Variants in PRSS36 observed in about 807,000 individuals in gnomAD.
PRSS36 encodes polyserase-2.
In PRSS36, 90 loss-of-function variants were observed where a neutral mutation model predicts 94.3. The observed-to-expected ratio is 0.95, with a 90% CI of 0.80 to 1.14. The LOEUF is 1.14. PRSS36 is among the 50% of genes most tolerant of loss of function. PRSS36 has a pLI of 0.00. For synonymous variants in PRSS36, 500 were observed against 489.6 expected (o/e 1.02, Z -0.28); for missense variants, 1,158 against 1,135.0 (o/e 1.02, Z -0.29).
chr16:31,141,920 G>C lies in PRSS36; in HGVS notation c.1562C>G (p.Thr521Ser). ...RWSLLCQEEG[T>S]WFLAGIRDFP... ...GTCTCTGATTCCAGCCAGAAACCAGGTCCCCTCCTCCTGGCACAAAAGGCT... is the reference window on the plus strand; with the variant it reads ...GTCTCTGATTCCAGCCAGAAACCAGCTCCCCTCCTCCTGGCACAAAAGGCT... The change falls in exon 11 of 15, where the codon ACC becomes AGC. Residue 521 changes from threonine to serine, a missense_variant. Physicochemically the swap from Thr to Ser is moderately conservative, Grantham distance 58. Transcript: ENST00000268281. 1 of 1,614,130 alleles carries C rather than the reference G, an allele frequency of 6.2e-7. No homozygotes were observed. Among genetic ancestry groups the C allele is most frequent in the Non-Finnish European group, 8.5e-7 (1 of 1,180,020 alleles).
rs751653922 is a variant in PRSS36 at position 31,139,208 on chromosome 16, A to T, written c.2498T>A (p.Leu833Gln). The T allele has an allele frequency of 6.2e-7, 1 of 1,611,906 alleles. No individual in the cohort carries two copies. Among genetic ancestry groups the T allele is most frequent in the South Asian group, 1.1e-5 (1 of 90,998 alleles). Residue 833 changes from leucine (L) to glutamine (Q), a missense_variant, in exon 15 of 15, where the codon CTG (leucine) becomes CAG (glutamine). Leu to Gln is a moderately radical substitution (Grantham distance 113). Transcript: ENST00000268281. The stretch of plus-strand genomic sequence containing the variant: ...ATGCGGGGATCCCGAGGCCTTGGCC[A>T]GTTCTGGGGGGCAGAGATTGCTGCC... ...TGGSNLCPPE[L>Q]AKASGSPHAV...
At chr16:31,142,311 C>T (rs1340831399) in intron 10 of PRSS36, among the ~76,000 whole-genome samples, 170 bp downstream of exon 10, 1 of 151,404 alleles carries the variant, frequency 6.6e-6, no homozygotes, top group East Asian at 2.0e-4. Context: ...AGAGCCCACT[C>T]GGACCCGCCT....
rs2057757082 is a variant in PRSS36 at position 31,143,820 on chromosome 16, G to A, written c.738C>T (p.Pro246=). Residue 246 remains proline, a synonymous_variant, in exon 7 of 15, where the codon CCC becomes CCT. Transcript: ENST00000268281. ...RDTCQGDSGG[P]LVCEEGGRWF... Reference sequence around the variant, plus strand: ...AGCGGCCGCCTTCCTCACAGACCAGGGGCCCCCCAGAGTCACCCTAGTGGC... The same window carrying A: ...AGCGGCCGCCTTCCTCACAGACCAGAGGCCCCCCAGAGTCACCCTAGTGGC... 6.2e-7 allele frequency: 1 copy of A among 1,613,398 alleles called. No individual in the cohort carries two copies. The highest frequency in any genetic ancestry group is 1.1e-5 in the South Asian group (1 of 91,090).
chr16:31,140,917 T>A (rs1010371784), intron 12 of PRSS36, among the ~76,000 whole-genome samples, 160 bp from the exon 13 acceptor site: 1 of 152,120 alleles, frequency 6.6e-6, no homozygotes, highest in Non-Finnish European at 1.5e-5. Context: ...CCCAGTGCTG[T>A]AAGATTCTTC....
At position 31,149,141 on chromosome 16, in the gene PRSS36, A is replaced by G; in HGVS notation, c.204T>C (p.Gly68=). 6.3e-7 allele frequency: 1 copy of G among 1,580,702 alleles called. No individual in the cohort carries two copies. Among genetic ancestry groups the G allele is most frequent in the East Asian group, 2.3e-5 (1 of 43,788 alleles). The change falls in exon 4 of 15, where the codon GGT becomes GGC. Residue 68 remains glycine (G), a synonymous_variant. Coordinates refer to ENST00000268281, the MANE Select transcript of PRSS36 (RefSeq NM_173502.5). The part of the protein sequence containing the change: ...WPWQVSLHHG[G]GHICGGSLIA... ...TGAGGGAGCCCCCGCAGATGTGGCC[A>G]CCTCCATGGTGCAGGCTCACTTGCC...
chr16:31,145,883 A>G lies in PRSS36; in HGVS notation c.626T>C (p.Leu209Pro). The G allele has an allele frequency of 6.2e-7, 1 of 1,614,062 alleles. No individual in the cohort carries two copies. The highest frequency in any genetic ancestry group is 1.1e-5 in the South Asian group (1 of 91,084). Reference protein sequence around the residue: ...RLLGEATCQCLYSQPGPFNLT... With the variant: ...RLLGEATCQCPYSQPGPFNLT... Reference sequence around the variant, plus strand: ...GTTGAAGGGACCGGGCTGGCTGTAGAGACATTGACAGGTGGCCTCGCCCAG... The same window carrying G: ...GTTGAAGGGACCGGGCTGGCTGTAGGGACATTGACAGGTGGCCTCGCCCAG... The change falls in exon 6 of 15, where the codon CTC (leucine) becomes CCC (proline). Residue 209 changes from leucine (L) to proline (P), a missense_variant. Transcript: ENST00000268281.
Position 31,141,816 on chromosome 16 carries a change from C to A in PRSS36, c.1666G>T (p.Gly556Ter), listed in dbSNP as rs1360881995. Reference protein sequence around the residue: ...HGPWISHVTRGAYLEDQLAWD... With the variant: ...HGPWISHVTR Reference sequence around the variant, plus strand: ...GCTAGCTGGTCCTCCAGGTAGGCTCCCCGAGTCACATGGCTGATCCATGGG... The same window carrying A: ...GCTAGCTGGTCCTCCAGGTAGGCTCACCGAGTCACATGGCTGATCCATGGG... The change falls in exon 11 of 15, where the codon GGA becomes TGA. Residue 556 changes from glycine (G) to a stop codon, truncating the protein, a stop_gained. Coordinates refer to ENST00000268281, the MANE Select transcript of PRSS36 (RefSeq NM_173502.5). LOFTEE classifies it high-confidence loss of function. The A allele has an allele frequency of 1.9e-6, 3 of 1,614,208 alleles. No homozygotes were observed. The Admixed American group carries it at 5.0e-5, about 27-fold the overall frequency.
chr16:31,141,768 C>G lies in PRSS36; in HGVS notation c.1714G>C (p.Glu572Gln). 2 of 1,614,148 alleles carry G rather than the reference C, an allele frequency of 1.2e-6. No homozygotes were observed. Among genetic ancestry groups the G allele is most frequent in the East Asian group, 2.2e-5 (1 of 44,884 alleles). The change falls in exon 11 of 15, where the codon GAG becomes CAG. Residue 572 changes from glutamate to glutamine, a missense_variant. By Grantham distance (29) the Glu-to-Gln change is conservative. Coordinates refer to ENST00000268281, the MANE Select transcript of PRSS36 (RefSeq NM_173502.5). ...GGACAAGTCTGTGTCTCAGTCTCCT[C>G]CCCATCAGGGCCCCAATCCCAGGCT... is the stretch of plus-strand genomic sequence containing the variant. Reference protein sequence around the residue: ...QLAWDWGPDGEETETQTCPPH... With the variant: ...QLAWDWGPDGQETETQTCPPH...
At position 31,141,558 on chromosome 16, in the gene PRSS36, C is replaced by G; in HGVS notation, c.1812G>C (p.Leu604=). Residue 604 remains leucine (L), a synonymous_variant, in exon 12 of 15, where the codon CTG becomes CTC. Transcript: ENST00000268281. Reference sequence around the variant, plus strand: ...GATCACCAGCCACATGCACCTCTGCCAGCCAGGGCCACAGGACCCCCACTG... The same window carrying G: ...GATCACCAGCCACATGCACCTCTGCGAGCCAGGGCCACAGGACCCCCACTG... The part of the protein sequence containing the change: ...AAPVGVLWPW[L]AEVHVAGDRV... The G allele has an allele frequency of 6.2e-7, 1 of 1,613,394 alleles. No individual in the cohort carries two copies. The highest frequency in any genetic ancestry group is 8.5e-7 in the Non-Finnish European group (1 of 1,179,980).
intron 14 of PRSS36, 37 bp downstream of exon 14, chr16:31,140,257 C>T (rs371104887): frequency 1.2e-5 from 19 of 1,568,528 alleles, no homozygotes; most frequent in Non-Finnish European, 1.6e-5. Flanking sequence ...AACACTGCCT[C>T]TCCCCTGCCT....
In PRSS36 at chr16:31,140,737, G is replaced by C; in HGVS notation, c.1922C>G (p.Pro641Arg). The C allele has an allele frequency of 1.2e-6, 2 of 1,614,090 alleles. No individual in the cohort carries two copies. The highest frequency in any genetic ancestry group is 1.7e-6 in the Non-Finnish European group (2 of 1,179,988). ...CVLRPGSTTV[P>R]YIEVYLGRAG... ...CCGGCCCAGATACACTTCAATGTAAGGCACTGTTGTAGAGCCTGGCCTGTT... is the reference window on the plus strand; with the variant it reads ...CCGGCCCAGATACACTTCAATGTAACGCACTGTTGTAGAGCCTGGCCTGTT... The change falls in exon 13 of 15, where the codon CCT becomes CGT. Residue 641 changes from proline to arginine, a missense_variant. Physicochemically the swap from Pro to Arg is moderately radical, Grantham distance 103 (BLOSUM62 -2). Coordinates refer to ENST00000268281, the MANE Select transcript of PRSS36 (RefSeq NM_173502.5).
chr16:31,143,923 C>A, intron 6 of PRSS36, 86 bp from the exon 7 acceptor site: 1 of 1,523,698 alleles, frequency 6.6e-7, no homozygotes, highest in South Asian at 1.2e-5. Flanking sequence ...CAACATACAC[C>A]ACCTTCTCCC....
At chr16:31,149,912 C>T (rs1000267707) in intron 1 of PRSS36, 87 bp downstream of exon 1, 11 of 1,563,532 alleles carry the variant, frequency 7.0e-6, no homozygotes, top group South Asian at 1.1e-5. Context: ...TTCCTGCTCC[C>T]CACACAGAAA....
At chr16:31,139,692 C>T (rs1318832149) in intron 14 of PRSS36, among the ~76,000 whole-genome samples, 11 of 151,622 alleles carry the variant, frequency 7.3e-5, no homozygotes, top group African/African-American at 2.7e-4. Flanking sequence ...CCAGCTTGGC[C>T]AACATGGTGA....
chr16:31,149,126 C>G lies in PRSS36; in HGVS notation c.219G>C (p.Gly73=). ...CCCAGGAGGGGGCGATGAGGGAGCC[C>G]CCGCAGATGTGGCCACCTCCATGGT... ...SLHHGGGHIC[G]GSLIAPSWVL... The change falls in exon 4 of 15, where the codon GGG becomes GGC. Residue 73 remains glycine, a synonymous_variant. Transcript: ENST00000268281. 1 of 1,585,094 alleles carries G rather than the reference C, an allele frequency of 6.3e-7. No individual in the cohort carries two copies. Among genetic ancestry groups the G allele is most frequent in the Non-Finnish European group, 8.6e-7 (1 of 1,167,262 alleles).
chr16:31,147,536 GTGATGGGGA>G (rs2057816221), intron 5 of PRSS36, among the ~76,000 whole-genome samples: 1 of 152,146 alleles, frequency 6.6e-6, no homozygotes, highest in Non-Finnish European at 1.5e-5. Context: ...GAAAGCTTGG[GTGATGGGGA>G]TGATGGGGAT....
At chr16:31,143,024 G>A (rs79912852) in intron 8 of PRSS36, 31 bp from the exon 9 acceptor site, 116,576 of 1,369,228 alleles carry the variant, frequency 0.085, 5,634 homozygotes, top group Non-Finnish European at 0.096. Context: ...GACGTGGGCC[G>A]GATCCCGCAC....
At chr16:31,143,054 AC>A (rs1449905775) in intron 8 of PRSS36, 61 bp from the exon 9 acceptor site, 22 of 1,375,530 alleles carry the variant, frequency 1.6e-5, no homozygotes, top group Non-Finnish European at 2.1e-5. Flanking sequence ...GAAACCTCAC[AC>A]CCCGGCTTAG....
At chr16:31,143,170 G>A (rs1476399224) in intron 8 of PRSS36, among the ~76,000 whole-genome samples, 172 bp downstream of exon 8, 5 of 151,962 alleles carry the variant, frequency 3.3e-5, no homozygotes, top group African/African-American at 1.2e-4. Context: ...TATCTACCAT[G>A]CCTCTACCCA....
Sources: allele counts gnomAD v4.1 joint callset (sites outside exome capture counted in the v4.1 genomes callset), GRCh38; gene constraint gnomAD v4.1.1; transcripts MANE v1.5; gene names NCBI Gene and HGNC (gene_info 2026-07-23, HGNC 2026-07-21).